The following RHOBTB2 variants were observed in gnomAD, a reference collection of about 807,000 sequenced individuals.
The protein encoded by RHOBTB2 is Rho related BTB domain containing 2.
RHOBTB2 carries 39 observed loss-of-function variants against 66.5 expected under a neutral mutation model. The ratio of observed to expected loss-of-function variants is 0.59; its 90% CI spans 0.45 to 0.77. The LOEUF (loss-of-function observed/expected upper bound fraction) is 0.77, where lower values mean the gene tolerates loss of function less well. RHOBTB2 is among the 30% of genes least tolerant of loss of function. RHOBTB2 has a pLI of 0.00. For synonymous variants in RHOBTB2, 390 were observed against 395.0 expected, an observed-to-expected ratio of 0.99 and a Z score of 0.15; for missense variants, 755 against 999.1, an observed-to-expected ratio of 0.76 and a Z score of 3.29.
rs533621729 is a variant in RHOBTB2 at position 23,019,604 on chromosome 8, G to C, written c.*2135G>C. The stretch of plus-strand genomic sequence containing the variant: ...AGGGAGAGCGGGTCCTCCAGGGCAA[G>C]GGGAACGGGAAATAGGTCTCCTAGG... On this transcript the variant is annotated 3_prime_UTR_variant, in exon 10 of 10. Transcript: ENST00000251822. 1.3e-5 allele frequency: 2 copies of C among 152,576 alleles called. No homozygotes were observed. Among genetic ancestry groups the C allele is most frequent in the African/African-American group, 2.4e-5 (1 of 41,456 alleles). The allele number at this position is 152,576 out of a possible 1,614,324, so 9.5% of individuals were successfully genotyped here.
In RHOBTB2 at chr8:22,990,610, G is replaced by C. The variant is rs539419074; in HGVS notation, c.-136-1458G>C. 3.9e-5 allele frequency among the ~76,000 whole-genome samples: 6 copies of C among 152,354 alleles called. No homozygotes were observed. The East Asian group carries it at 7.7e-4, about 20-fold the overall frequency. On this transcript the variant is annotated intron_variant, in intron 1 of 11. Coordinates refer to the RHOBTB2 transcript ENST00000519685. ...GCTCTCTGTTGGCACCTCCCAGAAGGAGGAGGAAGAGGGTGGGTTGGGAGG... is the reference window on the plus strand; with the variant it reads ...GCTCTCTGTTGGCACCTCCCAGAAGCAGGAGGAAGAGGGTGGGTTGGGAGG...
the RHOBTB2 span, among the ~76,000 whole-genome samples, chr8:22,950,896 A>T: frequency 6.6e-6 from 1 of 152,246 alleles, no homozygotes. Flanking sequence ...GAACATGCCT[A>T]GCTCCAGGTA....
At chr8:23,008,816 G>A (rs1485515492) in intron 6 of RHOBTB2, among the ~76,000 whole-genome samples, 6 of 152,212 alleles carry the variant, frequency 3.9e-5, no homozygotes, top group African/African-American at 1.2e-4. Context: ...CTAGTTGTCT[G>A]TCACCTGGCT....
intron 1 of RHOBTB2, chr8:22,991,943 C>G (rs1218310306): frequency 1.3e-5 from 2 of 152,212 alleles, no homozygotes. Flanking sequence ...CTGAGTCTTC[C>G]AAGTGTTTAC....
the RHOBTB2 span, among the ~76,000 whole-genome samples, chr8:22,959,787 T>C: frequency 6.6e-6 from 1 of 152,072 alleles, no homozygotes; most frequent in Non-Finnish European, 1.5e-5. Context: ...AGTAGTTTGA[T>C]AAAGGTTTAT....
the RHOBTB2 span, among the ~76,000 whole-genome samples, chr8:22,966,598 C>G: frequency 1.3e-5 from 2 of 150,930 alleles, no homozygotes; most frequent in African/African-American, 2.4e-5. Flanking sequence ...CTAGGCAACA[C>G]AGCAAAACCT....
At chr8:23,014,870 A>G (rs745437270) in intron 8 of RHOBTB2, 92 bp downstream of exon 8, 175 of 1,002,576 alleles carry the variant, frequency 1.7e-4, no homozygotes, top group Non-Finnish European at 2.6e-4. Flanking sequence ...AAGATGGTCT[A>G]TGCGGGAGAA....
the RHOBTB2 span, among the ~76,000 whole-genome samples, chr8:22,958,223 C>G: frequency 0.021 from 3,124 of 152,302 alleles, 92 homozygotes; most frequent in African/African-American, 0.06. Flanking sequence ...GGGAATGCTC[C>G]AAATGCCTCG....
At chr8:22,970,278 G>C in the RHOBTB2 span, among the ~76,000 whole-genome samples, 1 of 152,160 alleles carries the variant, frequency 6.6e-6, no homozygotes, top group Non-Finnish European at 1.5e-5. Flanking sequence ...GGAAATACAG[G>C]AGGAATGAAC....
At chr8:23,000,649 G>A (rs2128801619) in intron 1 of RHOBTB2, among the ~76,000 whole-genome samples, 1 of 152,252 alleles carries the variant, frequency 6.6e-6, no homozygotes, top group South Asian at 2.1e-4. Flanking sequence ...TGACCATTCA[G>A]GGTCCCTTTG....
At chr8:22,984,324 G>A (rs1021904468), upstream of RHOBTB2, among the ~76,000 whole-genome samples, 3 of 152,184 alleles carry the variant, frequency 2.0e-5, no homozygotes, top group East Asian at 1.9e-4. Flanking sequence ...TGGAGAGGTC[G>A]GAGGTAGAAA....
At chr8:22,990,617 A>C (rs1810402150) in intron 1 of RHOBTB2, among the ~76,000 whole-genome samples, 1 of 152,114 alleles carries the variant, frequency 6.6e-6, no homozygotes, top group Admixed American at 6.5e-5. Context: ...AAGGAGGAGG[A>C]AGAGGGTGGG....
At chr8:22,996,517 G>A (rs1810564383), upstream of RHOBTB2, among the ~76,000 whole-genome samples, 4 of 88,394 alleles carry the variant, frequency 4.5e-5, no homozygotes, top group Non-Finnish European at 9.0e-5. Context: ...GTGTGTGTGT[G>A]TGTGTGTGTG....
At chr8:22,968,160 A>C in the RHOBTB2 span, among the ~76,000 whole-genome samples, 45 of 152,294 alleles carry the variant, frequency 3.0e-4, no homozygotes, top group East Asian at 8.5e-3. Context: ...GTCTCAAAAA[A>C]AAAAAAAATT....
chr8:22,975,031 C>G, the RHOBTB2 span, among the ~76,000 whole-genome samples: 1 of 152,132 alleles, frequency 6.6e-6, no homozygotes, highest in Admixed American at 6.5e-5. Context: ...ACATCTCTTT[C>G]CAGGGCCTAA....
At chr8:22,958,198 C>T in the RHOBTB2 span, among the ~76,000 whole-genome samples, 1 of 152,210 alleles carries the variant, frequency 6.6e-6, no homozygotes, top group Non-Finnish European at 1.5e-5. Context: ...GGTGCCCTCC[C>T]CTCTCCAAAG....
At chr8:22,972,377 A>G in the RHOBTB2 span, among the ~76,000 whole-genome samples, 1 of 152,176 alleles carries the variant, frequency 6.6e-6, no homozygotes, top group Non-Finnish European at 1.5e-5. Flanking sequence ...ATGGTCCACA[A>G]AGTCAAAAGT....
At chr8:22,989,921 C>A (rs1810383448) in intron 1 of RHOBTB2, among the ~76,000 whole-genome samples, 1 of 152,224 alleles carries the variant, frequency 6.6e-6, no homozygotes, top group South Asian at 2.1e-4. Flanking sequence ...CAAGTCACAT[C>A]CCCTCTCAGA....
At chr8:22,985,240 C>T (rs939028723), upstream of RHOBTB2, among the ~76,000 whole-genome samples, 3 of 152,218 alleles carry the variant, frequency 2.0e-5, no homozygotes, top group Non-Finnish European at 4.4e-5. Flanking sequence ...GTTCTGGTTC[C>T]ACACTATTTA....
Sources: gnomAD v4.1 joint callset for allele counts (sites outside exome capture counted in the v4.1 genomes callset) on GRCh38, gnomAD v4.1.1 for gene constraint, MANE v1.5 for transcripts, NCBI Gene and HGNC (gene_info 2026-07-23, HGNC 2026-07-21) for gene names.